B4GALT6: variants seen among roughly 807,000 people sequenced by gnomAD.
B4GALT6 encodes the protein UDP-Gal:beta-GlcNAc beta-1,4-galactosyltransferase 6.
In B4GALT6, 14 loss-of-function variants were observed where a neutral mutation model predicts 46.3. The observed-to-expected ratio is 0.30, with a 90% CI of 0.20 to 0.47. The LOEUF is 0.47. Among genes scored for constraint, B4GALT6 ranks in the 20% least tolerant of loss-of-function variants. The pLI is 0.99. For synonymous variants in B4GALT6, 168 were observed against 162.0 expected (o/e 1.04, Z -0.28); for missense variants, 386 against 480.1 (o/e 0.80, Z 1.83).
the B4GALT6 span, among the ~76,000 whole-genome samples, chr18:31,703,174 G>A: frequency 6.6e-6 from 1 of 152,148 alleles, no homozygotes; most frequent in Non-Finnish European, 1.5e-5. Context: ...CTTAGCTGAA[G>A]AAAGGGAGGT....
chr18:31,691,198 T>C, the B4GALT6 span, among the ~76,000 whole-genome samples: 6 of 151,666 alleles, frequency 4.0e-5, no homozygotes, highest in Non-Finnish European at 8.8e-5. Context: ...TTTGATGATA[T>C]GTGTTACTAT....
chr18:31,700,747 C>T, the B4GALT6 span, among the ~76,000 whole-genome samples: 4 of 152,138 alleles, frequency 2.6e-5, no homozygotes, highest in East Asian at 3.9e-4. Context: ...TGAGCCACCG[C>T]GCCCGGCCAA....
At position 31,662,193 on chromosome 18, in the gene B4GALT6, C is replaced by T. The variant is rs192470947; in HGVS notation, c.232+4063G>A. ...ACCACATTTAAGTGCCTTCAAGTTACGCAATATCATTATATTCACTTCATT... is the reference window on the plus strand; with the variant it reads ...ACCACATTTAAGTGCCTTCAAGTTATGCAATATCATTATATTCACTTCATT... On this transcript the variant is annotated intron_variant, in intron 2 of 8. Transcript: ENST00000306851. Among the ~76,000 whole-genome samples, 339 of 152,278 alleles carry T rather than the reference C, an allele frequency of 2.2e-3. 2 individuals carry two copies. The highest frequency in any genetic ancestry group is 0.021 in the South Asian group (100 of 4,822).
At chr18:31,664,897 GTTC>G (rs1046401050) in intron 2 of B4GALT6, among the ~76,000 whole-genome samples, 3 of 152,106 alleles carry the variant, frequency 2.0e-5, no homozygotes, top group African/African-American at 7.2e-5. Flanking sequence ...TGCTGAGGCA[GTTC>G]TTCTAAAAAA....
Position 31,638,657 on chromosome 18 carries a change from T to C in B4GALT6, c.575A>G (p.Tyr192Cys). ...LQKQRLEFAF[Y>C]VIEQTGTQPF... Reference sequence around the variant, plus strand: ...AAGTATTCTCACCTGTTCAATGACATAAAACGCAAATTCCAGCCGCTGCTT... The same window carrying C: ...AAGTATTCTCACCTGTTCAATGACACAAAACGCAAATTCCAGCCGCTGCTT... Residue 192 changes from tyrosine (Y) to cysteine (C), a missense_variant, in exon 5 of 9, where the codon TAT (tyrosine) becomes TGT (cysteine). Physicochemically the swap from Tyr to Cys is radical, Grantham distance 194. Around this residue, in one of 2 missense-constraint regions of B4GALT6, gnomAD observed 323 missense variants for 438.9 expected, o/e 0.74. Coordinates refer to ENST00000306851, the MANE Select transcript of B4GALT6 (RefSeq NM_004775.5). 1.9e-6 allele frequency: 3 copies of C among 1,613,308 alleles called. No homozygotes were observed. Among genetic ancestry groups the C allele is most frequent in the Non-Finnish European group, 2.5e-6 (3 of 1,179,314 alleles).
chr18:31,653,650 T>C (rs543751810), intron 3 of B4GALT6, among the ~76,000 whole-genome samples: 2 of 152,154 alleles, frequency 1.3e-5, no homozygotes, highest in East Asian at 3.9e-4. Flanking sequence ...TTTCACCATG[T>C]TGGCCAGGCT....
At chr18:31,675,029 C>T (rs1034809142) in intron 1 of B4GALT6, among the ~76,000 whole-genome samples, 2 of 152,112 alleles carry the variant, frequency 1.3e-5, no homozygotes, top group Non-Finnish European at 2.9e-5. Context: ...GTGTTCAGAG[C>T]CCCACTTTAT....
chr18:31,710,195 C>CAAGTATAAATG, the B4GALT6 span, among the ~76,000 whole-genome samples: 3 of 151,896 alleles, frequency 2.0e-5, no homozygotes, highest in East Asian at 5.8e-4. Context: ...CCAAGTCACA[C>CAAGTATAAATG]AAGTATAAAA....
At chr18:31,668,274 A>G (rs1362826773) in intron 1 of B4GALT6, among the ~76,000 whole-genome samples, 1 of 152,134 alleles carries the variant, frequency 6.6e-6, no homozygotes, top group Non-Finnish European at 1.5e-5. Context: ...CTCATGAACA[A>G]AAGATGGCCA....
At chr18:31,657,071 T>A (rs2074149116) in intron 3 of B4GALT6, among the ~76,000 whole-genome samples, 1 of 152,342 alleles carries the variant, frequency 6.6e-6, no homozygotes, top group South Asian at 2.1e-4. Context: ...TTGGTATAGC[T>A]GCTTTTGAGA....
chr18:31,707,689 T>C, the B4GALT6 span, among the ~76,000 whole-genome samples: 20 of 152,294 alleles, frequency 1.3e-4, no homozygotes, highest in African/African-American at 3.8e-4. Flanking sequence ...CTAGGCAGTT[T>C]CTTATTTTAA....
intron 6 of B4GALT6, among the ~76,000 whole-genome samples, chr18:31,629,472 TTTTTTTTTTTTG>T (rs1269328583): frequency 1.1e-4 from 15 of 135,168 alleles, no homozygotes; most frequent in Admixed American, 2.2e-4. Context: ...TTTTTTTTTT[TTTTTTTTTTTTG>T]TGAAAATCGG....
chr18:31,718,699 C>G, the B4GALT6 span, among the ~76,000 whole-genome samples: 1 of 152,154 alleles, frequency 6.6e-6, no homozygotes, highest in African/African-American at 2.4e-5. Flanking sequence ...CTCTCCACTC[C>G]TGAGAGAAGA....
At position 31,675,359 on chromosome 18, in the gene B4GALT6, C is replaced by A. The variant is rs1164778595; in HGVS notation, c.115+8953G>T. ...CCAAGCAATGCCAAAAGTTAAGGGG[C>A]CATCTGGCTTCCTCTGTAAAGAACC... On this transcript the variant is annotated intron_variant, in intron 1 of 8. Coordinates refer to ENST00000306851, the MANE Select transcript of B4GALT6 (RefSeq NM_004775.5). 3.3e-5 allele frequency among the ~76,000 whole-genome samples: 5 copies of A among 152,152 alleles called. No individual in the cohort carries two copies. In the East Asian group the frequency reaches 9.6e-4, roughly 29 times the overall value.
intron 2 of B4GALT6, among the ~76,000 whole-genome samples, chr18:31,660,249 T>C (rs1302314721): frequency 1.3e-5 from 2 of 152,148 alleles, no homozygotes; most frequent in Non-Finnish European, 2.9e-5. Context: ...ATGCCTGGCC[T>C]GATTCTTTAA....
intron 3 of B4GALT6, among the ~76,000 whole-genome samples, chr18:31,653,597 G>A (rs1362305957): frequency 6.6e-6 from 1 of 151,588 alleles, no homozygotes; most frequent in African/African-American, 2.4e-5. Flanking sequence ...ACGCACCACT[G>A]CACTTGGCTA....
intron 2 of B4GALT6, among the ~76,000 whole-genome samples, chr18:31,660,656 T>C (rs891341213): frequency 4.7e-5 from 7 of 148,706 alleles, no homozygotes; most frequent in East Asian, 2.0e-4. Flanking sequence ...CCCAGAAAGA[T>C]AGAAAGGAAA....
intron 4 of B4GALT6, among the ~76,000 whole-genome samples, chr18:31,640,757 T>C (rs921431538): frequency 4.6e-5 from 7 of 152,194 alleles, no homozygotes; most frequent in Non-Finnish European, 8.8e-5. Context: ...CCCCGCACAA[T>C]GGCTGCCAAC....
chr18:31,651,499 T>G (rs2074067109), intron 3 of B4GALT6, among the ~76,000 whole-genome samples: 1 of 151,950 alleles, frequency 6.6e-6, no homozygotes, highest in African/African-American at 2.4e-5. Flanking sequence ...AAATACTTAC[T>G]CCTCCCTTTC....
Sources: gnomAD v4.1 joint callset for allele counts (sites outside exome capture counted in the v4.1 genomes callset) on GRCh38, gnomAD v4.1.1 for gene constraint, gnomAD v4.1.1 regional missense constraint, MANE v1.5 for transcripts, NCBI Gene and HGNC (gene_info 2026-07-23, HGNC 2026-07-21) for gene names.